Variants in ROBO2 observed in about 807,000 individuals in gnomAD.
ROBO2 encodes roundabout homolog 2.
Under a neutral mutation model 160.8 loss-of-function variants are expected in ROBO2, and 53 were observed. That is an observed-to-expected ratio of 0.33 (90% CI 0.26 to 0.41). The LOEUF is 0.41. Ranked by LOEUF, ROBO2 falls within the 10% of genes least tolerant of loss-of-function variation. ROBO2 has a pLI of 1.00. For missense variants in ROBO2, 1,577 were observed against 1,722.4 expected (o/e 0.92, Z 1.49); for synonymous variants, 664 against 611.7 (o/e 1.09, Z -1.26).
At chr3:77,197,338 A>G (rs940347709) in intron 2 of ROBO2, among the ~76,000 whole-genome samples, 1 of 152,208 alleles carries the variant, frequency 6.6e-6, no homozygotes, top group Non-Finnish European at 1.5e-5. Context: ...ACCTCACTGA[A>G]TCTACTTCGC....
intron 2 of ROBO2, among the ~76,000 whole-genome samples, chr3:76,354,543 A>C (rs2075048912): frequency 6.6e-6 from 1 of 151,878 alleles, no homozygotes; most frequent in East Asian, 1.9e-4. Flanking sequence ...ATGCCTGTAC[A>C]ATAATTTATT....
chr3:77,297,514 A>G (rs1361423963), intron 2 of ROBO2, among the ~76,000 whole-genome samples: 1 of 152,160 alleles, frequency 6.6e-6, no homozygotes, highest in Non-Finnish European at 1.5e-5. Flanking sequence ...GATCTGGTTA[A>G]AGGAAACTCC....
chr3:76,659,771 A>G (rs1254936657), intron 2 of ROBO2, among the ~76,000 whole-genome samples: 1 of 152,204 alleles, frequency 6.6e-6, no homozygotes, highest in African/African-American at 2.4e-5. Flanking sequence ...AAATACATAA[A>G]TAAACAACTT....
At chr3:76,922,529 AAGGGTGAAG>A (rs764097906) in intron 2 of ROBO2, among the ~76,000 whole-genome samples, 44 of 152,192 alleles carry the variant, frequency 2.9e-4, no homozygotes, top group Non-Finnish European at 6.0e-4. Context: ...CCTTAAGCAG[AAGGGTGAAG>A]AGGAGGCCTA....
intron 2 of ROBO2, among the ~76,000 whole-genome samples, chr3:76,970,871 G>A (rs567660815): frequency 1.3e-5 from 2 of 152,144 alleles, no homozygotes; most frequent in East Asian, 1.9e-4. Context: ...GCTACATAAA[G>A]TCACTTATGT....
At chr3:77,402,711 G>A (rs933855684) in intron 2 of ROBO2, among the ~76,000 whole-genome samples, 1 of 151,960 alleles carries the variant, frequency 6.6e-6, no homozygotes, top group African/African-American at 2.4e-5. Context: ...CCCCTCCCAA[G>A]TGCTAGCAGG....
intron 2 of ROBO2, among the ~76,000 whole-genome samples, chr3:76,305,923 A>C (rs565805865): frequency 6.6e-6 from 1 of 151,896 alleles, no homozygotes; most frequent in East Asian, 1.9e-4. Context: ...CTTCAACACT[A>C]TGGAGATTTT....
At chr3:77,289,011 T>G (rs924608943) in intron 2 of ROBO2, among the ~76,000 whole-genome samples, 2 of 152,182 alleles carry the variant, frequency 1.3e-5, no homozygotes, top group African/African-American at 4.8e-5. Flanking sequence ...AGTTTGGGCA[T>G]TGGTGAGTTT....
chr3:76,136,685 A>G (rs2071440047), intron 2 of ROBO2, among the ~76,000 whole-genome samples: 1 of 152,080 alleles, frequency 6.6e-6, no homozygotes, highest in Admixed American at 6.6e-5. Flanking sequence ...AAAATATTTA[A>G]TAAAATATAG....
At chr3:77,365,336 C>T (rs1457147704) in intron 2 of ROBO2, among the ~76,000 whole-genome samples, 2 of 152,010 alleles carry the variant, frequency 1.3e-5, no homozygotes, top group Non-Finnish European at 2.9e-5. Context: ...TGTTAAGGAT[C>T]TGTCTTCTCT....
rs60546446 is a variant in ROBO2 at position 76,085,116 on chromosome 3, TAC to T, written c.109+147538_109+147539del. On this transcript the variant is annotated intron_variant, in intron 2 of 26. Coordinates refer to the ROBO2 transcript ENST00000487694. ...CCCCCAGTTTACATATATATATATA[TAC>T]ACACACACACACACACACACACATA... Among the ~76,000 whole-genome samples the T allele has an allele frequency of 2.8e-3, 376 of 135,828 alleles. 2 individuals carry two copies. Among genetic ancestry groups the T allele is most frequent in the Admixed American group, 3.9e-3 (52 of 13,412 alleles). 89.1% of individuals were successfully genotyped at this position (135,828 alleles called of 152,430 possible). A position where few individuals can be genotyped will look rare whatever the true frequency, so the allele number is the denominator to read the frequency against.
At chr3:76,151,711 T>G (rs549305117) in intron 2 of ROBO2, among the ~76,000 whole-genome samples, 1 of 152,234 alleles carries the variant, frequency 6.6e-6, no homozygotes, top group Non-Finnish European at 1.5e-5. Flanking sequence ...CCTCAAATGA[T>G]CCATTTTCCA....
chr3:75,917,298 C>G (rs777097116), intron 1 of ROBO2, among the ~76,000 whole-genome samples: 1 of 152,122 alleles, frequency 6.6e-6, no homozygotes, highest in African/African-American at 2.4e-5. Context: ...GTTTGGTTTT[C>G]TGTTCCTGTG....
chr3:77,435,719 A>C (rs1232452415), intron 2 of ROBO2, among the ~76,000 whole-genome samples: 1 of 151,834 alleles, frequency 6.6e-6, no homozygotes, highest in Non-Finnish European at 1.5e-5. Context: ...TCTACAGATC[A>C]ATGTGTATGT....
intron 6 of ROBO2, among the ~76,000 whole-genome samples, chr3:77,531,088 G>C (rs907967637): frequency 1.8e-4 from 28 of 152,014 alleles, no homozygotes; most frequent in African/African-American, 6.8e-4. Context: ...AAGCCGTCCT[G>C]TTCCGTTTGG....
chr3:77,304,303 A>C (rs570330228), intron 2 of ROBO2, among the ~76,000 whole-genome samples: 1 of 152,346 alleles, frequency 6.6e-6, no homozygotes, highest in Non-Finnish European at 1.5e-5. Flanking sequence ...GCTCAGCAGA[A>C]GGTTGGCTGG....
chr3:77,523,541 T>C (rs1413677673), intron 6 of ROBO2, among the ~76,000 whole-genome samples: 1 of 151,414 alleles, frequency 6.6e-6, no homozygotes, highest in Non-Finnish European at 1.5e-5. Context: ...TGTTCATTTA[T>C]AGACTCCCTG....
At chr3:77,456,019 G>C (rs2081601377) in intron 2 of ROBO2, among the ~76,000 whole-genome samples, 1 of 152,118 alleles carries the variant, frequency 6.6e-6, no homozygotes, top group Non-Finnish European at 1.5e-5. Flanking sequence ...TCTTCTTGTA[G>C]TAGAGTGATA....
chr3:76,176,002 T>C (rs1357232775), intron 2 of ROBO2, among the ~76,000 whole-genome samples: 1 of 152,140 alleles, frequency 6.6e-6, no homozygotes, highest in Non-Finnish European at 1.5e-5. Flanking sequence ...TTATAGTTCT[T>C]AGTGGCTGCC....
Sources: allele counts gnomAD v4.1 joint callset (sites outside exome capture counted in the v4.1 genomes callset), GRCh38; gene constraint gnomAD v4.1.1; transcripts MANE v1.5; gene names NCBI Gene and HGNC (gene_info 2026-07-23, HGNC 2026-07-21).